Variants in SULT2A1 observed in about 807,000 individuals in gnomAD.
SULT2A1 encodes the protein sulfotransferase family 2A member 1.
Under a neutral mutation model 33.9 loss-of-function variants are expected in SULT2A1, and 43 were observed. That is an observed-to-expected ratio of 1.27 (90% confidence interval 1.00 to 1.64). The LOEUF (loss-of-function observed/expected upper bound fraction) is 1.64, where lower values mean the gene tolerates loss of function less well. SULT2A1 is among the 40% of genes most tolerant of loss of function. The pLI is 0.00. For synonymous variants in SULT2A1, 125 were observed against 113.6 expected, an observed-to-expected ratio of 1.10 and a Z score of -0.64; for missense variants, 300 against 335.1, an observed-to-expected ratio of 0.90 and a Z score of 0.82.
rs139437036 is a variant in SULT2A1 at position 47,882,102 on chromosome 19, A to C, written c.454T>G (p.Trp152Gly). ...KPKSWEEYFE[W>G]FCQGTVLYGS... ...CACTCACCAGTTCCTTGACAAAACC[A>C]TTCAAAATATTCTTCCCATGACTTT... The change falls in exon 3 of 6, where the codon TGG becomes GGG. Residue 152 changes from tryptophan (W) to glycine (G), a missense_variant. Coordinates refer to ENST00000222002, the MANE Select transcript of SULT2A1 (RefSeq NM_003167.4). 1.4e-4 allele frequency: 228 copies of C among 1,613,716 alleles called. 1 individual carries two copies. The highest frequency in any genetic ancestry group is 3.3e-4 in the Middle Eastern group (2 of 6,078).
At chr19:47,874,560 A>AG in intron 5 of SULT2A1, 97 bp downstream of exon 5, 1 of 882,286 alleles carries the variant, frequency 1.1e-6, no homozygotes, top group African/African-American at 1.7e-5. Flanking sequence ...AAAAAAAAAA[A>AG]GCACTCTTTC....
chr19:47,879,417 A>G (rs911487083), intron 3 of SULT2A1, among the ~76,000 whole-genome samples: 1 of 152,090 alleles, frequency 6.6e-6, no homozygotes, highest in Non-Finnish European at 1.5e-5. Context: ...TAATTGACTC[A>G]CAGTTCAGTG....
At chr19:47,876,462 A>T (rs1032386113) in intron 4 of SULT2A1, among the ~76,000 whole-genome samples, 6 of 152,194 alleles carry the variant, frequency 3.9e-5, no homozygotes, top group African/African-American at 1.4e-4. Context: ...AACTAAAATA[A>T]GTTCATTGTG....
intron 3 of SULT2A1, among the ~76,000 whole-genome samples, chr19:47,880,252 A>AAC (rs1366043644): frequency 2.7e-5 from 4 of 150,682 alleles, no homozygotes; most frequent in African/African-American, 9.7e-5. Context: ...AAAAAAAAAA[A>AAC]AAAAAACCTG....
chr19:47,877,112 C>CATAGGCCATA (rs1029560882), intron 4 of SULT2A1, among the ~76,000 whole-genome samples: 2 of 150,484 alleles, frequency 1.3e-5, no homozygotes, highest in African/African-American at 4.9e-5. Flanking sequence ...ATGCCCAGAC[C>CATAGGCCATA]ATAGGCCATA....
chr19:47,871,627 A>G, intron 5 of SULT2A1, 60 bp from the exon 6 acceptor site: 1 of 1,134,832 alleles, frequency 8.8e-7, no homozygotes, highest in Non-Finnish European at 1.3e-6. Flanking sequence ...TGTCTCCACC[A>G]GGCACCTGAC....
At chr19:47,877,529 C>A (rs1050243791) in intron 4 of SULT2A1, among the ~76,000 whole-genome samples, 2 of 150,148 alleles carry the variant, frequency 1.3e-5, no homozygotes, top group African/African-American at 2.4e-5. Context: ...TGTGAGACAC[C>A]GTGCCCAGCC....
intron 3 of SULT2A1, among the ~76,000 whole-genome samples, chr19:47,881,122 A>G (rs1202917391): frequency 3.3e-5 from 5 of 151,774 alleles, no homozygotes; most frequent in Non-Finnish European, 5.9e-5. Context: ...TGCCACCTCT[A>G]CCTCCTGGGT....
In SULT2A1 at chr19:47,871,146, T is replaced by C; in HGVS notation, c.*309A>G. ...ACAGACATGAGCCAATGCGCCTGGCTAATTTTTTTTGGTTTTTGTATTTTT... is the reference window on the plus strand; with the variant it reads ...ACAGACATGAGCCAATGCGCCTGGCCAATTTTTTTTGGTTTTTGTATTTTT... On this transcript the variant is annotated 3_prime_UTR_variant, in exon 6 of 6. Coordinates refer to ENST00000222002, the MANE Select transcript of SULT2A1 (RefSeq NM_003167.4). 1 of 170,812 alleles carries C rather than the reference T, an allele frequency of 5.9e-6. No individual in the cohort carries two copies. The highest frequency in any genetic ancestry group is 1.2e-5 in the Non-Finnish European group (1 of 84,838). 10.6% of individuals were successfully genotyped at this position (170,812 alleles called of 1,614,324 possible). A position where few individuals can be genotyped will look rare whatever the true frequency, so the allele number is the denominator to read the frequency against.
chr19:47,883,425 C>A lies in SULT2A1; in HGVS notation c.345+152G>T, dbSNP rs1237708233. 4.0e-6 allele frequency: 3 copies of A among 753,078 alleles called. No homozygotes were observed. In the East Asian group the frequency reaches 8.1e-5, roughly 20 times the overall value. The allele number at this position is 753,078 out of a possible 1,614,324, so 46.6% of individuals were successfully genotyped here. On this transcript the variant is annotated intron_variant, in intron 2 of 5. Coordinates refer to ENST00000222002, the MANE Select transcript of SULT2A1 (RefSeq NM_003167.4). ...AACTCAAGGACAGTTCTGGGAGCAG[C>A]CACATAGGTGTCACCTAATACGGAA...
chr19:47,885,393 T>C (rs370904088), intron 1 of SULT2A1, among the ~76,000 whole-genome samples: 2 of 152,310 alleles, frequency 1.3e-5, no homozygotes, highest in Admixed American at 6.5e-5. Flanking sequence ...CCTTGATGTT[T>C]ATCTCTGTTG....
chr19:47,885,981 G>T, intron 1 of SULT2A1, 141 bp downstream of exon 1: 1 of 1,049,412 alleles, frequency 9.5e-7, no homozygotes, highest in Non-Finnish European at 1.4e-6. Flanking sequence ...CCTTTTCTCT[G>T]ATTGTCAATG....
chr19:47,876,379 T>G (rs62531037), intron 4 of SULT2A1, among the ~76,000 whole-genome samples: 454 of 152,306 alleles, frequency 3.0e-3, no homozygotes, highest in Non-Finnish European at 5.1e-3. Flanking sequence ...CTCTTAGATC[T>G]ATAATGCTTT....
In SULT2A1 at chr19:47,874,848, A is replaced by T. The variant is rs1600030112; in HGVS notation, c.568-14T>A. ...TCTTCCTGTGTCCTAAAAAAGAAAA[A>T]TCAAGAGAGAGGATACGAAAGAGAA... On this transcript the variant is annotated splice_polypyrimidine_tract_variant and intron_variant, in intron 4 of 5. Transcript: ENST00000222002. The T allele has an allele frequency of 6.2e-7, 1 of 1,610,882 alleles. No individual in the cohort carries two copies. Among genetic ancestry groups the T allele is most frequent in the African/African-American group, 1.3e-5 (1 of 74,666 alleles).
rs557029091 is a variant in SULT2A1, at chr19:47,876,077, A to G, written c.568-1243T>C. ...GTCGCCCAGGCTGGAGTGCAGTGGC[A>G]TGATCTCAGCTCACTGCAACCTCCG... On this transcript the variant is annotated intron_variant, in intron 4 of 5. Transcript: ENST00000222002. Among the ~76,000 whole-genome samples the G allele has an allele frequency of 2.6e-5, 4 of 152,294 alleles. No homozygotes were observed. In the East Asian group the frequency reaches 5.8e-4, roughly 22 times the overall value.
At chr19:47,882,262 T>C in intron 2 of SULT2A1, 52 bp from the exon 3 acceptor site, 1 of 1,568,948 alleles carries the variant, frequency 6.4e-7, no homozygotes, top group Non-Finnish European at 8.6e-7. Context: ...ATCCTCACTC[T>C]TTTTGATCTT....
At chr19:47,879,373 C>T (rs1968579967) in intron 3 of SULT2A1, among the ~76,000 whole-genome samples, 1 of 152,100 alleles carries the variant, frequency 6.6e-6, no homozygotes, top group African/African-American at 2.4e-5. Context: ...TGAAGAACTG[C>T]CCAAGACTGG....
chr19:47,878,504 G>A (rs1481024814), intron 4 of SULT2A1, among the ~76,000 whole-genome samples: 3 of 101,018 alleles, frequency 3.0e-5, no homozygotes, highest in African/African-American at 4.7e-5. Context: ...AACCTCTCTA[G>A]ATTTTTTTTT....
At chr19:47,875,748 G>T (rs1042368370) in intron 4 of SULT2A1, among the ~76,000 whole-genome samples, 11 of 152,182 alleles carry the variant, frequency 7.2e-5, no homozygotes, top group Non-Finnish European at 1.5e-4. Context: ...CAACTTAACA[G>T]TAAAACACAG....
Sources: gnomAD v4.1 joint callset for allele counts (sites outside exome capture counted in the v4.1 genomes callset) on GRCh38, gnomAD v4.1.1 for gene constraint, MANE v1.5 for transcripts, NCBI Gene and HGNC (gene_info 2026-07-23, HGNC 2026-07-21) for gene names.